Variants in MTTP observed in about 807,000 individuals in gnomAD.
The protein encoded by MTTP is microsomal triglyceride transfer protein large subunit.
In MTTP, 49 loss-of-function variants were observed where a neutral mutation model predicts 90.6. The ratio of observed to expected loss-of-function variants is 0.54; its 90% CI spans 0.43 to 0.69. The LOEUF (loss-of-function observed/expected upper bound fraction) is 0.69. Ranked by LOEUF, MTTP falls within the 30% of genes least tolerant of loss-of-function variation. MTTP has a pLI of 0.00. For synonymous variants in MTTP, 347 were observed against 384.2 expected (o/e 0.90, Z 1.13); for missense variants, 945 against 1,067.5 (o/e 0.89, Z 1.60).
At chr4:99,571,299 A>G (rs1724837040), upstream of MTTP, among the ~76,000 whole-genome samples, 1 of 151,960 alleles carries the variant, frequency 6.6e-6, no homozygotes, top group Admixed American at 6.5e-5. Flanking sequence ...TTGCATTTAT[A>G]CTTGGATATT....
Position 99,598,653 on chromosome 4 carries a change from C to CTTT in MTTP, c.1067+1455_1067+1457dup, listed in dbSNP as rs745529189. On this transcript the variant is annotated intron_variant, in intron 8 of 17. Coordinates refer to ENST00000265517, the MANE Select transcript of MTTP (RefSeq NM_001386140.1). ...ACAACAGTATATCCTTCAAGGAAGT[C>CTTT]TTTTTTTTTTTTTTTTTTTTTTTTT... Among the ~76,000 whole-genome samples the CTTT allele has an allele frequency of 6.0e-3, 496 of 82,538 alleles. 65 individuals are homozygous for CTTT. Among genetic ancestry groups the CTTT allele is most frequent in the African/African-American group, 0.012 (254 of 20,496 alleles). The allele number at this position is 82,538 out of a possible 152,430, so 54.1% of individuals were successfully genotyped here.
At position 99,584,981 on chromosome 4, in the gene MTTP, T is replaced by C. The variant is rs373138295; in HGVS notation, c.393+1464T>C. 1.4e-4 allele frequency among the ~76,000 whole-genome samples: 21 copies of C among 152,258 alleles called. No individual in the cohort carries two copies. The East Asian group carries it at 3.9e-3, about 28-fold the overall frequency. On this transcript the variant is annotated intron_variant, in intron 3 of 17. Transcript: ENST00000265517. ...TCAAAGCGTTTATCACAGTGTATTG[T>C]CACTCTCCTTTTATGTCTTGGCTCT...
At chr4:99,564,447 A>C (rs979035714) in intron 1 of MTTP, 6 of 516,390 alleles carry the variant, frequency 1.2e-5, no homozygotes, top group Non-Finnish European at 2.0e-5. Flanking sequence ...TTCACAATAA[A>C]ATGCATTTAA....
At chr4:99,582,450 G>C (rs1725143495) in intron 2 of MTTP, among the ~76,000 whole-genome samples, 1 of 152,184 alleles carries the variant, frequency 6.6e-6, no homozygotes, top group Admixed American at 6.5e-5. Context: ...TCTAACTCAA[G>C]AGGAGATCAG....
At chr4:99,582,460 G>C (rs2110212154) in intron 2 of MTTP, among the ~76,000 whole-genome samples, 1 of 152,300 alleles carries the variant, frequency 6.6e-6, no homozygotes, top group South Asian at 2.1e-4. Context: ...GAGGAGATCA[G>C]TTAGGAGGTT....
intron 10 of MTTP, among the ~76,000 whole-genome samples, chr4:99,602,443 C>G (rs572736562): frequency 1.3e-5 from 2 of 151,878 alleles, no homozygotes; most frequent in African/African-American, 4.8e-5. Flanking sequence ...TTTTTTCTGT[C>G]CACATTATAC....
chr4:99,598,961 C>G (rs952658666), intron 8 of MTTP, among the ~76,000 whole-genome samples: 2 of 152,112 alleles, frequency 1.3e-5, no homozygotes, highest in African/African-American at 4.8e-5. Flanking sequence ...CCGCACATGG[C>G]CAAGGAAGTC....
In MTTP at chr4:99,606,843, C is replaced by T. The variant is rs773064268; in HGVS notation, c.1440C>T (p.Ala480=). The part of the protein sequence containing the change: ...TRMYLLALKN[A]LLPEGIPSLL... ...TGTATCTGCTGGCTTTGAAGAATGC[C>T]CTGCTTCCAGAAGGCATCCCAAGTC... Residue 480 remains alanine (A), a synonymous_variant, in exon 11 of 18, where the codon GCC becomes GCT. Transcript: ENST00000265517. 1.4e-5 allele frequency: 22 copies of T among 1,613,926 alleles called. No homozygotes were observed. The highest frequency in any genetic ancestry group is 1.6e-5 in the Non-Finnish European group (19 of 1,179,998).
At chr4:99,570,427 C>T (rs1264485348), upstream of MTTP, among the ~76,000 whole-genome samples, 2 of 151,836 alleles carry the variant, frequency 1.3e-5, no homozygotes, top group Admixed American at 1.3e-4. Context: ...TATCTAGTTC[C>T]TTTAAATATC....
upstream of MTTP, among the ~76,000 whole-genome samples, chr4:99,573,867 T>G (rs923465137): frequency 1.3e-5 from 2 of 152,172 alleles, no homozygotes; most frequent in Non-Finnish European, 2.9e-5. Context: ...GCGGCCTAAG[T>G]CACCTCATTT....
Position 99,618,990 on chromosome 4 carries a change from C to A in MTTP, c.2234C>A (p.Ser745Tyr). 1 of 1,612,542 alleles carries A rather than the reference C, an allele frequency of 6.2e-7. No individual in the cohort carries two copies. The highest frequency in any genetic ancestry group is 8.5e-7 in the Non-Finnish European group (1 of 1,178,716). ...IDHSQELQLQSGLKANIEVQG... is the reference protein window; with the variant it reads ...IDHSQELQLQYGLKANIEVQG... Reference sequence around the variant, plus strand: ...TTCTTCTAGGAACTTCAGTTACAATCTGGACTAAAAGCCAATATAGAGGTC... The same window carrying A: ...TTCTTCTAGGAACTTCAGTTACAATATGGACTAAAAGCCAATATAGAGGTC... Residue 745 changes from serine (S) to tyrosine (Y), a missense_variant, in exon 16 of 18, where the codon TCT becomes TAT. Ser to Tyr is a moderately radical substitution (Grantham distance 144). Transcript: ENST00000265517.
intron 6 of MTTP, among the ~76,000 whole-genome samples, chr4:99,593,369 C>A (rs1445726916): frequency 6.6e-6 from 1 of 151,740 alleles, no homozygotes; most frequent in Admixed American, 6.6e-5. Flanking sequence ...AAAGTGGTAG[C>A]ATTTGTAATT....
chr4:99,579,065 C>T (rs1205393648), intron 1 of MTTP, among the ~76,000 whole-genome samples: 1 of 152,202 alleles, frequency 6.6e-6, no homozygotes, highest in Non-Finnish European at 1.5e-5. Flanking sequence ...CAAGGTTTTT[C>T]CTGACTCTCT....
chr4:99,581,294 A>C (rs1180751402), intron 1 of MTTP, among the ~76,000 whole-genome samples: 2 of 152,228 alleles, frequency 1.3e-5, no homozygotes, highest in Non-Finnish European at 2.9e-5. Flanking sequence ...GCCTGTACTA[A>C]GATTTCATAT....
intron 1 of MTTP, among the ~76,000 whole-genome samples, chr4:99,576,401 AT>A (rs1441168937): frequency 1.3e-5 from 2 of 152,206 alleles, no homozygotes; most frequent in African/African-American, 4.8e-5. Context: ...AAATATACTT[AT>A]AAAAAATTTA....
At chr4:99,594,674 G>C (rs1446980554) in intron 6 of MTTP, 59 bp from the exon 7 acceptor site, 2 of 1,591,254 alleles carry the variant, frequency 1.3e-6, no homozygotes, top group Non-Finnish European at 8.6e-7. Context: ...ATGGCAATTA[G>C]TATCTTGTTC....
intron 10 of MTTP, among the ~76,000 whole-genome samples, chr4:99,603,085 A>C (rs1725735442): frequency 6.6e-6 from 1 of 152,148 alleles, no homozygotes; most frequent in Admixed American, 6.6e-5. Flanking sequence ...AAGAGGTCAA[A>C]GTATGGAATG....
intron 11 of MTTP, among the ~76,000 whole-genome samples, chr4:99,607,939 T>C (rs1196237405): frequency 6.6e-6 from 1 of 151,780 alleles, no homozygotes; most frequent in Non-Finnish European, 1.5e-5. Flanking sequence ...AATTTTGCTG[T>C]GAACCTAAAC....
rs1725669693 is a variant in MTTP at position 99,600,562 on chromosome 4, T to C, written c.1068-3T>C. The C allele has an allele frequency of 6.2e-7, 1 of 1,613,308 alleles. No homozygotes were observed. The highest frequency in any genetic ancestry group is 1.7e-5 in the Admixed American group (1 of 59,988). ...ATATCCATGATTATGCCTTTTTTTA[T>C]AGACCTCAGCTGGTGGATGCTGTCA... is the stretch of plus-strand genomic sequence containing the variant. On this transcript the variant is annotated splice_region_variant and splice_polypyrimidine_tract_variant and intron_variant, in intron 8 of 17. Coordinates refer to ENST00000265517, the MANE Select transcript of MTTP (RefSeq NM_001386140.1).
Sources: gnomAD v4.1 joint callset for allele counts (sites outside exome capture counted in the v4.1 genomes callset) on GRCh38, gnomAD v4.1.1 for gene constraint, MANE v1.5 for transcripts, NCBI Gene and HGNC (gene_info 2026-07-23, HGNC 2026-07-21) for gene names.